FAM120C: variants seen among roughly 807,000 people sequenced by gnomAD.
The protein encoded by FAM120C is constitutive coactivator of PPAR-gamma-like protein 2.
In FAM120C, 14 loss-of-function variants were observed where a neutral mutation model predicts 71.2. That is an observed-to-expected ratio of 0.20 (90% CI 0.13 to 0.31). The LOEUF (loss-of-function observed/expected upper bound fraction) is 0.31. Ranked by LOEUF, FAM120C falls within the 10% of genes least tolerant of loss-of-function variation. FAM120C has a pLI of 1.00. For missense variants in FAM120C, 500 were observed against 879.0 expected, an observed-to-expected ratio of 0.57 and a Z score of 5.45; for synonymous variants, 354 against 353.2, an observed-to-expected ratio of 1.00 and a Z score of -0.03.
chrX:54,170,814 C>T (rs2516035), intron 1 of FAM120C, among the ~76,000 whole-genome samples: 3,135 of 111,854 alleles, frequency 0.028, 112 homozygotes, highest in African/African-American at 0.098. Context: ...TGTACTACTG[C>T]CTGAAGGTCC....
intron 4 of FAM120C, among the ~76,000 whole-genome samples, chrX:54,145,952 A>T (rs1284779025): frequency 8.9e-6 from 1 of 112,517 alleles, no homozygotes; most frequent in Non-Finnish European, 1.9e-5. Flanking sequence ...TGTGGCACAT[A>T]CACACCATGG....
chrX:54,155,030 A>C (rs782500920), intron 3 of FAM120C, among the ~76,000 whole-genome samples: 2 of 110,501 alleles, frequency 1.8e-5, no homozygotes, highest in South Asian at 7.7e-4. Flanking sequence ...GTGAGATCAC[A>C]TCTCTACAAA....
chrX:54,116,980 T>C (rs909218347), intron 9 of FAM120C, among the ~76,000 whole-genome samples, 186 bp from the exon 10 acceptor site: 1 of 111,759 alleles, frequency 8.9e-6, no homozygotes, highest in Non-Finnish European at 1.9e-5. Flanking sequence ...ACTTTATATA[T>C]ATCATCTCAT....
At chrX:54,093,377 G>T in intron 10 of FAM120C, among the ~76,000 whole-genome samples, 1 of 112,117 alleles carries the variant, frequency 8.9e-6, no homozygotes, top group Non-Finnish European at 1.9e-5. Context: ...TGAACAGATT[G>T]TTCTGGGTGC....
chrX:54,102,038 C>CTT (rs782670215), intron 10 of FAM120C, among the ~76,000 whole-genome samples: 1 of 102,725 alleles, frequency 9.7e-6, no homozygotes, highest in Non-Finnish European at 2.0e-5. Context: ...TTTGTTTGTT[C>CTT]TTTTTTTTTT....
At chrX:54,100,793 A>C (rs1195469451) in intron 10 of FAM120C, among the ~76,000 whole-genome samples, 1 of 112,489 alleles carries the variant, frequency 8.9e-6, no homozygotes, top group Non-Finnish European at 1.9e-5. Context: ...GCAAGGCCTC[A>C]GGTAGCCCTG....
intron 12 of FAM120C, among the ~76,000 whole-genome samples, chrX:54,087,488 T>G (rs2066800741): frequency 9.0e-6 from 1 of 110,763 alleles, no homozygotes; most frequent in Admixed American, 9.8e-5. Flanking sequence ...CATCTGAATA[T>G]TCCATGGATA....
intron 1 of FAM120C, among the ~76,000 whole-genome samples, chrX:54,172,756 TTC>T (rs1557136095): frequency 9.0e-6 from 1 of 111,571 alleles, no homozygotes; most frequent in Non-Finnish European, 1.9e-5. Flanking sequence ...TCCCGCCAGT[TTC>T]TGATTCTGTA....
intron 1 of FAM120C, among the ~76,000 whole-genome samples, chrX:54,179,943 A>T (rs2067338880): frequency 8.9e-6 from 1 of 112,093 alleles, no homozygotes; most frequent in African/African-American, 3.2e-5. Context: ...CACATGGCAA[A>T]GTTGAGATAA....
intron 1 of FAM120C, among the ~76,000 whole-genome samples, chrX:54,182,041 T>C (rs1181191271): frequency 9.0e-6 from 1 of 111,436 alleles, no homozygotes; most frequent in Admixed American, 9.5e-5. Context: ...AAAAACAATG[T>C]AGAAGAAAGG....
chrX:54,112,068 T>G (rs2066940140), intron 10 of FAM120C, among the ~76,000 whole-genome samples: 1 of 112,096 alleles, frequency 8.9e-6, no homozygotes, highest in African/African-American at 3.2e-5. Context: ...GATAGCTGGT[T>G]AGCTACATGC....
intron 9 of FAM120C, among the ~76,000 whole-genome samples, chrX:54,117,412 A>ATAGAATAGAATAGAATAGAATAGAATAG (rs2066976673): frequency 1.2e-5 from 1 of 83,806 alleles, no homozygotes; most frequent in African/African-American, 3.9e-5. Context: ...AATAAAATAA[A>ATAGAATAGAATAGAATAGAATAGAATAG]ATAAGGCCAG....
At position 54,182,845 on chromosome X, in the gene FAM120C, C is replaced by G. The variant is rs2067358528; in HGVS notation, c.354G>C (p.Val118=). The G allele has an allele frequency of 3.4e-6, 4 of 1,168,334 alleles. No individual in the cohort carries two copies. Among genetic ancestry groups the G allele is most frequent in the Non-Finnish European group, 4.6e-6 (4 of 875,795 alleles). Residue 118 remains valine, a synonymous_variant, in exon 1 of 16, where the codon GTG becomes GTC. Transcript: ENST00000375180. ...PPPPQLPGAR[V]LVDAGSALPR... Reference sequence around the variant, plus strand: ...GCAGCGCCGAGCCGGCGTCCACCAGCACCCGGGCCCCGGGCAGCTGAGGGG... The same window carrying G: ...GCAGCGCCGAGCCGGCGTCCACCAGGACCCGGGCCCCGGGCAGCTGAGGGG...
chrX:54,090,080 T>A (rs1404830870), intron 11 of FAM120C, among the ~76,000 whole-genome samples: 2 of 110,967 alleles, frequency 1.8e-5, no homozygotes, highest in Non-Finnish European at 3.8e-5. Context: ...TAAAATGTGA[T>A]CCCCAATGTT....
chrX:54,094,121 C>T (rs180798180), intron 10 of FAM120C, among the ~76,000 whole-genome samples: 2 of 81,310 alleles, frequency 2.5e-5, no homozygotes, highest in Non-Finnish European at 4.4e-5. Flanking sequence ...GACGGAGTCT[C>T]GCTCTGTCGC....
At chrX:54,082,478 G>T (rs1414978938) in intron 13 of FAM120C, among the ~76,000 whole-genome samples, 2 of 109,970 alleles carry the variant, frequency 1.8e-5, no homozygotes, top group Non-Finnish European at 3.8e-5. Flanking sequence ...GTGCAATCTC[G>T]GCTCACTGCA....
chrX:54,157,571 T>C lies in FAM120C; in HGVS notation c.1029+118A>G, dbSNP rs1337637013. ...CCGCACCTGGCCATAACTAATATTT[T>C]TTTCTTTTGTATGTATGTGAAATAT... On this transcript the variant is annotated intron_variant, in intron 3 of 15. Transcript: ENST00000375180. The C allele has an allele frequency of 5.5e-6, 3 of 547,958 alleles. No homozygotes were observed. The East Asian group carries it at 1.1e-4, about 20-fold the overall frequency. The allele number at this position is 547,958 out of a possible 1,213,427, so 45.2% of individuals were successfully genotyped here.
rs781932597 is a variant in FAM120C, at chrX:54,110,539, AGGT to A, written c.2312+6003_2312+6005del. 4.6e-3 allele frequency among the ~76,000 whole-genome samples: 509 copies of A among 111,230 alleles called. 1 individual carries two copies. Among genetic ancestry groups the A allele is most frequent in the African/African-American group, 0.016 (478 of 30,656 alleles). On this transcript the variant is annotated intron_variant, in intron 10 of 15. Coordinates refer to ENST00000375180, the MANE Select transcript of FAM120C (RefSeq NM_017848.6). ...AATATAAATATTAATTATAGAATCT[AGGT>A]GGTGGTTATGAGTGTTCACTGTACT...
chrX:54,073,409 A>C, intron 15 of FAM120C, 122 bp from the exon 16 acceptor site: 33 of 674,925 alleles, frequency 4.9e-5, no homozygotes, highest in Non-Finnish European at 6.7e-5. Context: ...AGAAGACCTC[A>C]AGCTGGTTGA....
Sources: gnomAD v4.1 joint callset for allele counts (sites outside exome capture counted in the v4.1 genomes callset) on GRCh38, gnomAD v4.1.1 for gene constraint, MANE v1.5 for transcripts, NCBI Gene and HGNC (gene_info 2026-07-23, HGNC 2026-07-21) for gene names.